Variants in HMGXB4 observed in about 807,000 individuals in gnomAD.
HMGXB4 encodes HMG domain-containing protein 4.
In HMGXB4, 27 loss-of-function variants were observed where a neutral mutation model predicts 63.9. The observed-to-expected ratio is 0.42, with a 90% CI of 0.31 to 0.58. The LOEUF is 0.58. Ranked by LOEUF, HMGXB4 falls within the 20% of genes least tolerant of loss-of-function variation. HMGXB4 has a pLI of 0.13. For synonymous variants in HMGXB4, 264 were observed against 265.3 expected (o/e 0.99, Z 0.05); for missense variants, 624 against 700.7 (o/e 0.89, Z 1.24).
chr22:35,280,152 T>C (rs1040253862), intron 5 of HMGXB4, among the ~76,000 whole-genome samples: 3 of 151,946 alleles, frequency 2.0e-5, no homozygotes, highest in Non-Finnish European at 4.4e-5. Context: ...CCCCTTGCCA[T>C]ATAACGTAAT....
chr22:35,277,654 G>C (rs552542805), intron 5 of HMGXB4, among the ~76,000 whole-genome samples: 1 of 152,236 alleles, frequency 6.6e-6, no homozygotes, highest in South Asian at 2.1e-4. Flanking sequence ...AGCCAATGTG[G>C]TTTCTATTCA....
chr22:35,262,338 C>T lies in HMGXB4; in HGVS notation c.-53C>T, dbSNP rs1922913864. ...TGTTTCTCAGACCTGGTCCTGTAGA[C>T]GGGAAGGAGCCTGGACACAGTGACA... On this transcript the variant is annotated 5_prime_UTR_variant, in exon 2 of 11. It adds an upstream start codon to the 5' untranslated region. Transcript: ENST00000216106. 2.5e-6 allele frequency: 4 copies of T among 1,580,804 alleles called. No individual in the cohort carries two copies. The highest frequency in any genetic ancestry group is 2.2e-5 in the East Asian group (1 of 44,716).
chr22:35,271,342 G>A (rs1239940146), intron 5 of HMGXB4, among the ~76,000 whole-genome samples: 1 of 152,196 alleles, frequency 6.6e-6, no homozygotes, highest in African/African-American at 2.4e-5. Flanking sequence ...ACTACTGGTA[G>A]AAATGCCAAA....
chr22:35,288,454 C>G (rs546379391), intron 9 of HMGXB4, 47 bp downstream of exon 9: 1 of 1,436,538 alleles, frequency 7.0e-7, no homozygotes, highest in Non-Finnish European at 9.3e-7. Flanking sequence ...CATATAGTTT[C>G]CCATATAATT....
chr22:35,262,654 G>T, intron 2 of HMGXB4: 1 of 571,880 alleles, frequency 1.7e-6, no homozygotes, highest in Non-Finnish European at 3.1e-6. Context: ...TAGTTTATTG[G>T]GGTGATCCCC....
At chr22:35,280,991 C>T (rs1340932408) in intron 5 of HMGXB4, among the ~76,000 whole-genome samples, 2 of 152,212 alleles carry the variant, frequency 1.3e-5, no homozygotes, top group East Asian at 3.8e-4. Context: ...TTAACTGCCT[C>T]ATTTGTTAGA....
At position 35,272,805 on chromosome 22, in the gene HMGXB4, G is replaced by C. The variant is rs528343861; in HGVS notation, c.1215+7202G>C. Among the ~76,000 whole-genome samples, 4 of 152,246 alleles carry C rather than the reference G, an allele frequency of 2.6e-5. No homozygotes were observed. In the South Asian group the frequency reaches 8.3e-4, roughly 32 times the overall value. ...AAAAATTAGCCAGGCGTGGTGGCGC[G>C]TGCCTGTAATCCCAGCTACTCAGGA... On this transcript the variant is annotated intron_variant, in intron 5 of 10. Coordinates refer to ENST00000216106, the MANE Select transcript of HMGXB4 (RefSeq NM_001003681.3).
intron 2 of HMGXB4, 36 bp downstream of exon 2, chr22:35,262,457 G>A (rs1372043290): frequency 1.9e-6 from 3 of 1,599,324 alleles, no homozygotes; most frequent in Admixed American, 1.7e-5. Context: ...TTCCAAAGGG[G>A]GTATCCTCTT....
chr22:35,285,897 T>C (rs1431069163), intron 6 of HMGXB4, 100 bp from the exon 7 acceptor site: 3 of 814,234 alleles, frequency 3.7e-6, no homozygotes, highest in Non-Finnish European at 5.9e-6. Flanking sequence ...CATTTAAATA[T>C]GAGCTTCAAA....
At chr22:35,254,803 G>T (rs935694186), upstream of HMGXB4, among the ~76,000 whole-genome samples, 6 of 152,220 alleles carry the variant, frequency 3.9e-5, no homozygotes, top group African/African-American at 1.4e-4. Flanking sequence ...ATAGCATTTT[G>T]TGATTGAGTG....
At chr22:35,261,707 G>T (rs1025219934) in intron 1 of HMGXB4, 1 of 152,068 alleles carries the variant, frequency 6.6e-6, no homozygotes, top group Non-Finnish European at 1.5e-5. Flanking sequence ...GCTGTCATAT[G>T]GTCAACTGAT....
At chr22:35,251,973 G>A in the HMGXB4 span, among the ~76,000 whole-genome samples, 1 of 152,128 alleles carries the variant, frequency 6.6e-6, no homozygotes, top group Non-Finnish European at 1.5e-5. Flanking sequence ...CCAGGACTTC[G>A]GGAAGCCAAG....
At chr22:35,249,355 T>C in the HMGXB4 span, among the ~76,000 whole-genome samples, 4 of 99,994 alleles carry the variant, frequency 4.0e-5, 1 homozygote, top group African/African-American at 1.0e-4. Context: ...CCACTGCACC[T>C]GGCCTTTAAT....
chr22:35,259,414 G>A (rs1396812399), intron 1 of HMGXB4, among the ~76,000 whole-genome samples: 2 of 152,112 alleles, frequency 1.3e-5, no homozygotes, highest in African/African-American at 4.8e-5. Context: ...ATGTAATTAT[G>A]ACCTCCCTTT....
At chr22:35,281,240 C>T (rs1601638566) in intron 5 of HMGXB4, among the ~76,000 whole-genome samples, 1 of 152,170 alleles carries the variant, frequency 6.6e-6, no homozygotes, top group Non-Finnish European at 1.5e-5. Flanking sequence ...TATGGTGAAG[C>T]TGAGACAAGA....
At chr22:35,256,881 T>A (rs1450976140), upstream of HMGXB4, among the ~76,000 whole-genome samples, 1 of 152,204 alleles carries the variant, frequency 6.6e-6, no homozygotes, top group East Asian at 1.9e-4. Flanking sequence ...ATCAGAAAAA[T>A]TGTGTTCTCG....
At chr22:35,270,198 C>T (rs1403002225) in intron 5 of HMGXB4, among the ~76,000 whole-genome samples, 1 of 152,144 alleles carries the variant, frequency 6.6e-6, no homozygotes, top group Non-Finnish European at 1.5e-5. Flanking sequence ...TATTTACAGC[C>T]ACTCCCTGTC....
rs552372890 is a variant in HMGXB4 at position 35,264,879 on chromosome 22, G to T, written c.491G>T (p.Gly164Val). The change falls in exon 5 of 11, where the codon GGT becomes GTT. Residue 164 changes from glycine to valine, a missense_variant. Gly to Val is a moderately radical substitution (Grantham distance 109). This residue lies in a region of HMGXB4 where 472 missense variants were observed against 470.6 expected (regional missense o/e 1.00). Coordinates refer to ENST00000216106, the MANE Select transcript of HMGXB4 (RefSeq NM_001003681.3). ...GSSGELPLED[G>V]GSHKSKKMKP... ...AGTGGGGAACTACCCCTAGAGGATG[G>T]TGGCTCCCACAAATCGAAAAAAATG... The T allele has an allele frequency of 2.5e-6, 4 of 1,614,118 alleles. No homozygotes were observed. Among genetic ancestry groups the T allele is most frequent in the Non-Finnish European group, 3.4e-6 (4 of 1,179,996 alleles).
intron 5 of HMGXB4, among the ~76,000 whole-genome samples, chr22:35,272,365 CAAAG>C (rs150508502): frequency 0.5 from 75,249 of 151,440 alleles, 22,150 homozygotes; most frequent in Non-Finnish European, 0.65. Context: ...TTGACTGACA[CAAAG>C]AAGGGAAATT....
Sources: gnomAD v4.1 joint callset for allele counts (sites outside exome capture counted in the v4.1 genomes callset) on GRCh38, gnomAD v4.1.1 for gene constraint, gnomAD v4.1.1 regional missense constraint, MANE v1.5 for transcripts, NCBI Gene and HGNC (gene_info 2026-07-23, HGNC 2026-07-21) for gene names.